Variants in ARL14EP observed in about 807,000 individuals in gnomAD.
The protein encoded by ARL14EP is ARL14 effector protein.
A neutral mutation model predicts 23.1 loss-of-function variants in ARL14EP; 12 were observed. The ratio of observed to expected loss-of-function variants is 0.52; its 90% CI spans 0.33 to 0.84. The LOEUF is 0.84. Ranked by LOEUF, ARL14EP falls within the 40% of genes least tolerant of loss-of-function variation. The pLI is 0.02. For missense variants in ARL14EP, 253 were observed against 307.3 expected (o/e 0.82, Z 1.32); for synonymous variants, 97 against 102.0 (o/e 0.95, Z 0.29).
At chr11:30,331,458 T>G in intron 2 of ARL14EP, 84 bp downstream of exon 2, 2 of 1,585,028 alleles carry the variant, frequency 1.3e-6, no homozygotes, top group Non-Finnish European at 1.7e-6. Flanking sequence ...ATATTTACAT[T>G]ATTACTAAAT....
Position 30,332,920 on chromosome 11 carries a change from A to T in ARL14EP, c.481A>T (p.Thr161Ser). Reference sequence around the variant, plus strand: ...ACAATTTACGAATCCAGGAAGGCAAACTGAATTTGCTCCAGAAACTGGTAA... The same window carrying T: ...ACAATTTACGAATCCAGGAAGGCAATCTGAATTTGCTCCAGAAACTGGTAA... ...SLQFTNPGRQ[T>S]EFAPETGKRE... The change falls in exon 3 of 4, where the codon ACT becomes TCT. Residue 161 changes from threonine (T) to serine (S), a missense_variant. By Grantham distance (58) the Thr-to-Ser change is moderately conservative. Coordinates refer to ENST00000282032, the MANE Select transcript of ARL14EP (RefSeq NM_152316.3). The T allele has an allele frequency of 6.2e-7, 1 of 1,613,770 alleles. No individual in the cohort carries two copies. The highest frequency in any genetic ancestry group is 8.5e-7 in the Non-Finnish European group (1 of 1,179,762).
At position 30,336,616 on chromosome 11, in the gene ARL14EP, A is replaced by G; in HGVS notation, c.604A>G (p.Ile202Val). 1 of 1,614,014 alleles carries G rather than the reference A, an allele frequency of 6.2e-7. No individual in the cohort carries two copies. Among genetic ancestry groups the G allele is most frequent in the South Asian group, 1.1e-5 (1 of 91,072 alleles). The change falls in exon 4 of 4, where the codon ATT becomes GTT. Residue 202 changes from isoleucine (I) to valine (V), a missense_variant. Coordinates refer to ENST00000282032, the MANE Select transcript of ARL14EP (RefSeq NM_152316.3). ...SKVYDSQGLL[I>V]FSGMDLCDCL... ...GGTCTATGATAGCCAGGGTCTCCTG[A>G]TTTTTAGTGGGATGGACCTCTGTGA...
intron 1 of ARL14EP, among the ~76,000 whole-genome samples, chr11:30,327,254 T>A (rs1431175900): frequency 6.6e-6 from 1 of 152,138 alleles, no homozygotes; most frequent in Non-Finnish European, 1.5e-5. Flanking sequence ...TTTCCTTTAA[T>A]CATGATGAAC....
At chr11:30,323,379 T>C (rs956931469) in intron 1 of ARL14EP, among the ~76,000 whole-genome samples, 177 bp downstream of exon 1, 2 of 152,176 alleles carry the variant, frequency 1.3e-5, no homozygotes, top group Non-Finnish European at 2.9e-5. Context: ...TACCCCCGCG[T>C]AGTTCATCTG....
At chr11:30,327,069 A>G (rs1425593740) in intron 1 of ARL14EP, among the ~76,000 whole-genome samples, 2 of 152,158 alleles carry the variant, frequency 1.3e-5, no homozygotes, top group Non-Finnish European at 2.9e-5. Flanking sequence ...GTAAGTAGAG[A>G]TCTTTGGTGC....
At chr11:30,327,802 C>CAAAAAAAA (rs369601355) in intron 1 of ARL14EP, among the ~76,000 whole-genome samples, 3 of 115,334 alleles carry the variant, frequency 2.6e-5, no homozygotes, top group Non-Finnish European at 3.5e-5. Context: ...ACTAAAAATA[C>CAAAAAAAA]AAAAAAAAAA....
At position 30,332,968 on chromosome 11, in the gene ARL14EP, A is replaced by G; in HGVS notation, c.529A>G (p.Lys177Glu). 1 of 1,613,460 alleles carries G rather than the reference A, an allele frequency of 6.2e-7. No homozygotes were observed. The highest frequency in any genetic ancestry group is 8.5e-7 in the Non-Finnish European group (1 of 1,179,588). ...TGKREKRRLT[K>E]NATAGSDRQV... ...TAAAAGAGAAAAAAGAAGGCTTACA[A>G]AAAATGCAACCGCTGGTTCAGACAG... is the stretch of plus-strand genomic sequence containing the variant. The change falls in exon 3 of 4, where the codon AAA becomes GAA. Residue 177 changes from lysine to glutamate, a missense_variant. Coordinates refer to ENST00000282032, the MANE Select transcript of ARL14EP (RefSeq NM_152316.3).
At chr11:30,324,547 G>A (rs989167278) in intron 1 of ARL14EP, among the ~76,000 whole-genome samples, 2 of 152,080 alleles carry the variant, frequency 1.3e-5, no homozygotes, top group Non-Finnish European at 2.9e-5. Flanking sequence ...TGTTTTGTTA[G>A]TGGTGGGGGG....
At chr11:30,332,441 A>C (rs1947293130) in intron 2 of ARL14EP, among the ~76,000 whole-genome samples, 1 of 152,096 alleles carries the variant, frequency 6.6e-6, no homozygotes. Flanking sequence ...AAAGATTATA[A>C]TACTATTCTA....
intron 1 of ARL14EP, among the ~76,000 whole-genome samples, chr11:30,324,574 AC>A (rs1947223088): frequency 6.6e-6 from 1 of 151,720 alleles, no homozygotes; most frequent in Non-Finnish European, 1.5e-5. Flanking sequence ...CTGCATTAAC[AC>A]CCCGAAACCC....
intron 2 of ARL14EP, chr11:30,331,915 C>T (rs1485941189): frequency 3.4e-6 from 2 of 591,560 alleles, no homozygotes; most frequent in African/African-American, 2.0e-5. Context: ...TGAATTCCTA[C>T]TTGATATGGT....
chr11:30,330,978 G>A lies in ARL14EP; in HGVS notation c.30G>A (p.Gln10=), dbSNP rs1471395910. ...TGGATCCATGTTCAGTTGGAGTCCA[G>A]CTTCGTACTACAAATGAGTGCCATA... MMDPCSVGV[Q]LRTTNECHKT... The change falls in exon 2 of 4, where the codon CAG becomes CAA. Residue 10 remains glutamine (Q), a synonymous_variant. Transcript: ENST00000282032. 1.9e-6 allele frequency: 3 copies of A among 1,613,666 alleles called. No homozygotes were observed. In the African/African-American group the frequency reaches 4.0e-5, roughly 22 times the overall value.
chr11:30,332,720 A>T (rs2133651376), intron 2 of ARL14EP, 146 bp from the exon 3 acceptor site: 1 of 889,832 alleles, frequency 1.1e-6, no homozygotes, highest in Middle Eastern at 3.6e-4. Flanking sequence ...ATTTTCTTGC[A>T]CTTAGGCTCT....
rs543417174 is a variant in ARL14EP at position 30,338,072 on chromosome 11, G to A, written c.*1277G>A. 4 of 152,178 alleles carry A rather than the reference G, an allele frequency of 2.6e-5. No individual in the cohort carries two copies. Among genetic ancestry groups the A allele is most frequent in the African/African-American group, 9.7e-5 (4 of 41,448 alleles). 9.4% of individuals were successfully genotyped at this position (152,178 alleles called of 1,614,324 possible). On this transcript the variant is annotated 3_prime_UTR_variant, in exon 4 of 4. Coordinates refer to ENST00000282032, the MANE Select transcript of ARL14EP (RefSeq NM_152316.3). ...GTACCATGTGAAATGAGGATCGCTT[G>A]TAGCTGGGAACAGTGCTTACTTCAG...
intron 1 of ARL14EP, chr11:30,329,483 G>GGT (rs1482843994): frequency 2.0e-5 from 3 of 152,124 alleles, no homozygotes; most frequent in Admixed American, 6.5e-5. Flanking sequence ...TGAGTCCCAA[G>GGT]GTGTATGCTT....
intron 3 of ARL14EP, 34 bp from the exon 4 acceptor site, chr11:30,336,533 T>A (rs1459593896): frequency 6.6e-7 from 1 of 1,516,760 alleles, no homozygotes; most frequent in Non-Finnish European, 9.1e-7. Flanking sequence ...ATAACATATT[T>A]ATGAGGTATA....
Position 30,336,735 on chromosome 11 carries a change from G to T in ARL14EP, c.723G>T (p.Trp241Cys), listed in dbSNP as rs1307507303. 6.2e-7 allele frequency: 1 copy of T among 1,614,122 alleles called. No individual in the cohort carries two copies. Among genetic ancestry groups the T allele is most frequent in the Non-Finnish European group, 8.5e-7 (1 of 1,180,040 alleles). The part of the protein sequence containing the change: ...CGAECRCDRK[W>C]LYEQIEIEGG... ...CTGAATGCCGCTGTGACCGCAAGTG[G>T]CTGTATGAGCAAATTGAAATTGAAG... Residue 241 changes from tryptophan to cysteine, a missense_variant, in exon 4 of 4, where the codon TGG (tryptophan) becomes TGT (cysteine). Physicochemically the swap from Trp to Cys is radical, Grantham distance 215. Coordinates refer to ENST00000282032, the MANE Select transcript of ARL14EP (RefSeq NM_152316.3).
At chr11:30,333,678 C>T (rs777675596) in intron 3 of ARL14EP, among the ~76,000 whole-genome samples, 3 of 152,032 alleles carry the variant, frequency 2.0e-5, no homozygotes, top group Non-Finnish European at 4.4e-5. Flanking sequence ...GAAATTGGTC[C>T]AACTAATAAC....
rs1280880134 is a variant in ARL14EP at position 30,337,461 on chromosome 11, C to T, written c.*666C>T. ...AGCAAAGCAATGAAAAATGATAACA[C>T]TGGAAGTGAAATTTTAATCAAACAT... On this transcript the variant is annotated 3_prime_UTR_variant, in exon 4 of 4. Coordinates refer to ENST00000282032, the MANE Select transcript of ARL14EP (RefSeq NM_152316.3). 1 of 152,234 alleles carries T rather than the reference C, an allele frequency of 6.6e-6. No homozygotes were observed. The highest frequency in any genetic ancestry group is 2.1e-4 in the South Asian group (1 of 4,818). 9.4% of individuals were successfully genotyped at this position (152,234 alleles called of 1,614,324 possible).
Sources: gnomAD v4.1 joint callset for allele counts (sites outside exome capture counted in the v4.1 genomes callset) on GRCh38, gnomAD v4.1.1 for gene constraint, MANE v1.5 for transcripts, NCBI Gene and HGNC (gene_info 2026-07-23, HGNC 2026-07-21) for gene names.